Variants in TBC1D22A observed in about 807,000 individuals in gnomAD.
TBC1D22A encodes the protein putative GTPase activator.
A neutral mutation model predicts 60.2 loss-of-function variants in TBC1D22A; 38 were observed. The ratio of observed to expected loss-of-function variants is 0.63; its 90% CI spans 0.49 to 0.83. TBC1D22A has a LOEUF of 0.83. Ranked by LOEUF, TBC1D22A falls within the 40% of genes least tolerant of loss-of-function variation. TBC1D22A has a pLI of 0.00. For missense variants in TBC1D22A, 628 were observed against 701.0 expected (o/e 0.90, Z 1.18); for synonymous variants, 302 against 281.7 (o/e 1.07, Z -0.72).
intron 9 of TBC1D22A, among the ~76,000 whole-genome samples, chr22:46,989,500 C>T (rs1167495792): frequency 2.6e-5 from 4 of 152,134 alleles, no homozygotes. Context: ...AGGGTTCTTA[C>T]TTGGCCTAAT....
chr22:47,089,970 C>A (rs932553551), intron 11 of TBC1D22A, among the ~76,000 whole-genome samples: 1 of 152,182 alleles, frequency 6.6e-6, no homozygotes, highest in African/African-American at 2.4e-5. Flanking sequence ...CAGTGTGAAG[C>A]CTCCGGGGAT....
intron 12 of TBC1D22A, among the ~76,000 whole-genome samples, chr22:47,121,196 C>G (rs1374429896): frequency 6.6e-6 from 1 of 152,258 alleles, no homozygotes; most frequent in Non-Finnish European, 1.5e-5. Context: ...AGCAAATGCT[C>G]TCTCAAATAA....
At chr22:47,005,915 C>G (rs2061575669) in intron 10 of TBC1D22A, among the ~76,000 whole-genome samples, 1 of 151,590 alleles carries the variant, frequency 6.6e-6, no homozygotes, top group Non-Finnish European at 1.5e-5. Context: ...CAGACACACA[C>G]CCATATGCAC....
chr22:47,139,916 C>T (rs1601642363), intron 12 of TBC1D22A, among the ~76,000 whole-genome samples: 1 of 152,376 alleles, frequency 6.6e-6, no homozygotes, highest in African/African-American at 2.4e-5. Flanking sequence ...GTGACTGCTC[C>T]TATTACACTG....
At chr22:47,066,505 G>A (rs981777435) in intron 11 of TBC1D22A, among the ~76,000 whole-genome samples, 3 of 152,238 alleles carry the variant, frequency 2.0e-5, no homozygotes, top group African/African-American at 7.2e-5. Context: ...GAGGGCACCT[G>A]TCCCTCTGTT....
chr22:47,123,326 C>T (rs183316294), intron 12 of TBC1D22A, among the ~76,000 whole-genome samples: 127 of 152,274 alleles, frequency 8.3e-4, no homozygotes, highest in South Asian at 5.4e-3. Flanking sequence ...GGTTTCAGGC[C>T]GTGGTTTTGC....
chr22:47,127,052 G>A (rs1337983610), intron 12 of TBC1D22A, among the ~76,000 whole-genome samples: 4 of 152,072 alleles, frequency 2.6e-5, no homozygotes, highest in African/African-American at 9.7e-5. Context: ...ACCCACCCTC[G>A]GGGTCTCAGG....
intron 1 of TBC1D22A, chr22:46,773,918 T>C (rs1241957016): frequency 1.0e-6 from 1 of 985,346 alleles, no homozygotes; most frequent in Non-Finnish European, 1.2e-6. Context: ...AAGCTGGGGT[T>C]TGAACCTTAG....
At chr22:46,910,476 G>T (rs2069834608) in intron 7 of TBC1D22A, among the ~76,000 whole-genome samples, 1 of 152,124 alleles carries the variant, frequency 6.6e-6, no homozygotes, top group Admixed American at 6.5e-5. Flanking sequence ...GAGTTTGTAT[G>T]GCAGCGATGT....
chr22:46,843,419 G>T (rs1238039027), intron 4 of TBC1D22A, among the ~76,000 whole-genome samples: 1 of 146,740 alleles, frequency 6.8e-6, no homozygotes. Context: ...GATGCCAGGG[G>T]ATTGAGACTC....
At chr22:46,780,207 T>G (rs1323655689) in intron 1 of TBC1D22A, among the ~76,000 whole-genome samples, 1 of 152,240 alleles carries the variant, frequency 6.6e-6, no homozygotes, top group Non-Finnish European at 1.5e-5. Context: ...GAATAATGAC[T>G]GTGCTTGGAG....
At chr22:47,082,995 G>T (rs779374521) in intron 11 of TBC1D22A, among the ~76,000 whole-genome samples, 1 of 152,308 alleles carries the variant, frequency 6.6e-6, no homozygotes, top group Non-Finnish European at 1.5e-5. Flanking sequence ...AATTCATACC[G>T]AGCAGTGCTC....
intron 12 of TBC1D22A, among the ~76,000 whole-genome samples, chr22:47,123,540 A>T (rs73887402): frequency 7.9e-5 from 12 of 152,208 alleles, no homozygotes; most frequent in Non-Finnish European, 8.8e-5. Flanking sequence ...TCAGGCCTCA[A>T]CCTGCCCATT....
rs912846000 is a variant in TBC1D22A, at chr22:47,037,128, G to A, written c.1259G>A (p.Arg420His). The A allele has an allele frequency of 5.0e-6, 8 of 1,613,820 alleles. No homozygotes were observed. Among genetic ancestry groups the A allele is most frequent in the African/African-American group, 2.7e-5 (2 of 74,916 alleles). ...HEVRYLQFAF[R>H]WMNNLLMREV... Reference sequence around the variant, plus strand: ...GTGAGATACCTGCAGTTTGCCTTCCGCTGGATGAACAACCTGCTGATGAGG... The same window carrying A: ...GTGAGATACCTGCAGTTTGCCTTCCACTGGATGAACAACCTGCTGATGAGG... Residue 420 changes from arginine (R) to histidine (H), a missense_variant, in exon 11 of 13, where the codon CGC becomes CAC. Coordinates refer to ENST00000337137, the MANE Select transcript of TBC1D22A (RefSeq NM_014346.5).
intron 3 of TBC1D22A, among the ~76,000 whole-genome samples, chr22:46,795,312 C>G (rs541404476): frequency 8.5e-4 from 130 of 152,372 alleles, no homozygotes; most frequent in African/African-American, 3.0e-3. Context: ...CTGTGAGCCT[C>G]TCAGCACCGT....
intron 6 of TBC1D22A, among the ~76,000 whole-genome samples, chr22:46,893,771 C>T (rs1458530869): frequency 2.0e-5 from 3 of 152,262 alleles, no homozygotes; most frequent in Non-Finnish European, 4.4e-5. Context: ...GCCTCCTCCT[C>T]TTCCTCCTCC....
chr22:46,937,685 C>T (rs1320200202), intron 8 of TBC1D22A, among the ~76,000 whole-genome samples: 6 of 152,178 alleles, frequency 3.9e-5, no homozygotes, highest in African/African-American at 1.4e-4. Context: ...GAGACGATAG[C>T]TCCCTGTGTG....
At chr22:47,135,109 C>T (rs1050717496) in intron 12 of TBC1D22A, among the ~76,000 whole-genome samples, 4 of 152,232 alleles carry the variant, frequency 2.6e-5, no homozygotes, top group Non-Finnish European at 4.4e-5. Flanking sequence ...GGCTCTGCTG[C>T]CGAGTGTCTT....
chr22:46,786,544 C>A (rs2084166818), intron 1 of TBC1D22A, among the ~76,000 whole-genome samples: 2 of 152,100 alleles, frequency 1.3e-5, no homozygotes, highest in Admixed American at 1.3e-4. Context: ...GGAAATATTA[C>A]CTCCTTTTCT....
Sources: gnomAD v4.1 joint callset for allele counts (sites outside exome capture counted in the v4.1 genomes callset) on GRCh38, gnomAD v4.1.1 for gene constraint, MANE v1.5 for transcripts, NCBI Gene and HGNC (gene_info 2026-07-23, HGNC 2026-07-21) for gene names.